The following TLN2 variants were observed in gnomAD, a reference collection of about 807,000 sequenced individuals.
TLN2 encodes talin-2.
In TLN2, 118 loss-of-function variants were observed where a neutral mutation model predicts 294.7. That is an observed-to-expected ratio of 0.40 (90% CI 0.34 to 0.47). The LOEUF (loss-of-function observed/expected upper bound fraction) is 0.47, where lower values mean the gene tolerates loss of function less well. TLN2 is among the 20% of genes least tolerant of loss of function. The pLI is 0.84. For synonymous variants in TLN2, 1,431 were observed against 1,304.5 expected (o/e 1.10, Z -2.09); for missense variants, 3,083 against 3,282.2 (o/e 0.94, Z 1.48).
chr15:62,688,144 T>G (rs2141047501), intron 12 of TLN2, among the ~76,000 whole-genome samples: 1 of 152,254 alleles, frequency 6.6e-6, no homozygotes, highest in Admixed American at 6.5e-5. Context: ...AAACAAAAAT[T>G]TATTTAAAAA....
At chr15:62,805,350 C>T (rs527815970) in intron 50 of TLN2, among the ~76,000 whole-genome samples, 1 of 152,280 alleles carries the variant, frequency 6.6e-6, no homozygotes, top group African/African-American at 2.4e-5. Flanking sequence ...AACAGGTTAA[C>T]ACTCTAGATA....
At chr15:62,696,680 T>G (rs539837849) in intron 14 of TLN2, among the ~76,000 whole-genome samples, 1 of 152,304 alleles carries the variant, frequency 6.6e-6, no homozygotes, top group East Asian at 1.9e-4. Flanking sequence ...TGCACTCCAG[T>G]CTGGATGACA....
intron 7 of TLN2, among the ~76,000 whole-genome samples, chr15:62,653,543 G>A (rs970721901): frequency 3.3e-5 from 5 of 152,210 alleles, no homozygotes; most frequent in Middle Eastern, 3.4e-3. Context: ...GGCCAATATG[G>A]TGAAACCTCA....
intron 1 of TLN2, among the ~76,000 whole-genome samples, chr15:62,512,884 C>A (rs1347270347): frequency 2.0e-5 from 3 of 152,120 alleles, no homozygotes; most frequent in African/African-American, 7.2e-5. Context: ...ATCTGTTTCC[C>A]ATTCATCTGG....
chr15:62,656,721 A>C (rs904371655), intron 8 of TLN2, among the ~76,000 whole-genome samples: 1 of 152,120 alleles, frequency 6.6e-6, no homozygotes, highest in Non-Finnish European at 1.5e-5. Flanking sequence ...TGCCCATAGA[A>C]ATAATGTAGG....
chr15:62,422,434 G>A (rs1199629180), intron 1 of TLN2, among the ~76,000 whole-genome samples: 7 of 152,170 alleles, frequency 4.6e-5, no homozygotes, highest in African/African-American at 1.7e-4. Context: ...ATTGTCTCTT[G>A]TGCAGAAGAA....
chr15:62,623,691 T>C (rs948015063), intron 3 of TLN2, among the ~76,000 whole-genome samples: 5 of 152,258 alleles, frequency 3.3e-5, no homozygotes, highest in Admixed American at 6.5e-5. Flanking sequence ...TAATCCTTTG[T>C]TTCTTGGCAA....
At chr15:62,417,399 C>T (rs1449994389) in intron 1 of TLN2, among the ~76,000 whole-genome samples, 6 of 152,102 alleles carry the variant, frequency 3.9e-5, no homozygotes, top group Admixed American at 2.6e-4. Context: ...TTAGACCAAG[C>T]GTATTATGCT....
At chr15:62,424,176 G>A (rs1178734184) in intron 1 of TLN2, among the ~76,000 whole-genome samples, 1 of 152,164 alleles carries the variant, frequency 6.6e-6, no homozygotes, top group Non-Finnish European at 1.5e-5. Flanking sequence ...TTGAGACATT[G>A]CATATATGAG....
At chr15:62,585,155 A>G (rs1294061501) in intron 1 of TLN2, among the ~76,000 whole-genome samples, 1 of 152,236 alleles carries the variant, frequency 6.6e-6, no homozygotes, top group Non-Finnish European at 1.5e-5. Flanking sequence ...TGCACACTCC[A>G]GATCCCCTTC....
intron 1 of TLN2, among the ~76,000 whole-genome samples, chr15:62,540,364 T>TTA (rs1445722998): frequency 6.6e-6 from 1 of 150,888 alleles, no homozygotes; most frequent in African/African-American, 2.4e-5. Context: ...AACTTTTTTT[T>TTA]TTTTTTTTTT....
At chr15:62,607,081 CA>C (rs375669311) in intron 2 of TLN2, among the ~76,000 whole-genome samples, 104 of 152,326 alleles carry the variant, frequency 6.8e-4, no homozygotes, top group Middle Eastern at 3.4e-3. Context: ...TGCCTCTTCA[CA>C]GCAGTAATTT....
intron 1 of TLN2, among the ~76,000 whole-genome samples, chr15:62,518,494 A>C (rs1354558016): frequency 6.6e-6 from 1 of 152,186 alleles, no homozygotes; most frequent in Non-Finnish European, 1.5e-5. Context: ...AGGTTTCTCA[A>C]CTGAAAATTA....
At chr15:62,809,272 T>G (rs923632939) in intron 51 of TLN2, among the ~76,000 whole-genome samples, 5 of 152,226 alleles carry the variant, frequency 3.3e-5, no homozygotes, top group African/African-American at 4.8e-5. Flanking sequence ...ATGACTCAAG[T>G]TAGCAGGTCG....
At chr15:62,687,777 G>C (rs1449195706) in intron 12 of TLN2, 1 of 152,144 alleles carries the variant, frequency 6.6e-6, no homozygotes, top group Non-Finnish European at 1.5e-5. Context: ...ACTATAGATT[G>C]ATAGGTTCCT....
chr15:62,688,767 A>G (rs895264796), intron 12 of TLN2, among the ~76,000 whole-genome samples: 2 of 152,024 alleles, frequency 1.3e-5, no homozygotes, highest in Non-Finnish European at 2.9e-5. Flanking sequence ...TTCTGTTAGT[A>G]ATTTTTGTTT....
chr15:62,601,006 C>A (rs2046955312), intron 2 of TLN2, among the ~76,000 whole-genome samples: 1 of 152,150 alleles, frequency 6.6e-6, no homozygotes, highest in South Asian at 2.1e-4. Context: ...GAGACTTATT[C>A]ATTGCAGTTA....
intron 37 of TLN2, among the ~76,000 whole-genome samples, chr15:62,756,641 G>A (rs907503727): frequency 6.6e-6 from 1 of 152,192 alleles, no homozygotes; most frequent in Non-Finnish European, 1.5e-5. Flanking sequence ...CAGATAGGAG[G>A]TTTGGCTTTG....
chr15:62,462,676 G>A (rs2140343503), intron 1 of TLN2, among the ~76,000 whole-genome samples: 1 of 152,314 alleles, frequency 6.6e-6, no homozygotes, highest in South Asian at 2.1e-4. Flanking sequence ...AGAGCTGGAG[G>A]AAATGGCCTG....
Sources: allele counts gnomAD v4.1 joint callset (sites outside exome capture counted in the v4.1 genomes callset), GRCh38; gene constraint gnomAD v4.1.1; transcripts MANE v1.5; gene names NCBI Gene and HGNC (gene_info 2026-07-23, HGNC 2026-07-21).